TAOK1: variants seen among roughly 807,000 people sequenced by gnomAD.
The protein encoded by TAOK1 is serine/threonine-protein kinase TAO1.
TAOK1 carries 21 observed loss-of-function variants against 138.3 expected under a neutral mutation model. The observed-to-expected ratio is 0.15, with a 90% CI of 0.11 to 0.22. The LOEUF is 0.22. TAOK1 is among the 10% of genes least tolerant of loss of function. TAOK1 has a pLI of 1.00. For missense variants in TAOK1, 651 were observed against 1,227.7 expected, an observed-to-expected ratio of 0.53 and a Z score of 7.02; for synonymous variants, 361 against 398.4, an observed-to-expected ratio of 0.91 and a Z score of 1.12.
chr17:29,490,753 C>A (rs1419083513), intron 9 of TAOK1, among the ~76,000 whole-genome samples: 1 of 152,120 alleles, frequency 6.6e-6, no homozygotes, highest in Non-Finnish European at 1.5e-5. Flanking sequence ...AAATTTATTT[C>A]TCACTTTCTG....
chr17:29,471,898 T>C (rs2030826883), intron 3 of TAOK1, among the ~76,000 whole-genome samples: 1 of 152,238 alleles, frequency 6.6e-6, no homozygotes, highest in Non-Finnish European at 1.5e-5. Context: ...TTATGTAATA[T>C]TCAGAAATTA....
chr17:29,483,555 G>C (rs1461123748), intron 8 of TAOK1, among the ~76,000 whole-genome samples: 1 of 152,172 alleles, frequency 6.6e-6, no homozygotes, highest in African/African-American at 2.4e-5. Context: ...GTAGATTAAA[G>C]TTACGATTTC....
intron 4 of TAOK1, 33 bp from the exon 5 acceptor site, chr17:29,477,628 A>G (rs1415953689): frequency 8.5e-7 from 1 of 1,175,326 alleles, no homozygotes; most frequent in Admixed American, 3.3e-5. Context: ...TTATAATAAT[A>G]TATTTTAATG....
In TAOK1 at chr17:29,451,641, C is replaced by T. The variant is rs139771492; in HGVS notation, c.93C>T (p.Leu31=). The T allele has an allele frequency of 1.9e-5, 30 of 1,613,770 alleles. No individual in the cohort carries two copies. The highest frequency in any genetic ancestry group is 3.3e-5 in the Admixed American group (2 of 59,954). Residue 31 remains leucine, a synonymous_variant, in exon 2 of 20, where the codon CTC becomes CTT. Transcript: ENST00000261716. ...ATCCAGAGAAGCTCTTCACAGATCTCAGAGAAATTGGCCATGGAAGCTTTG... is the reference window on the plus strand; with the variant it reads ...ATCCAGAGAAGCTCTTCACAGATCTTAGAGAAATTGGCCATGGAAGCTTTG... ...KEDPEKLFTD[L]REIGHGSFGA...
intron 16 of TAOK1, among the ~76,000 whole-genome samples, chr17:29,518,364 A>G (rs2958212): frequency 0.42 from 63,184 of 152,094 alleles, 13,794 homozygotes; most frequent in Non-Finnish European, 0.48. Context: ...GTGCACCTGT[A>G]GTGCCAGCTA....
chr17:29,412,920 T>C (rs891408948), intron 1 of TAOK1, among the ~76,000 whole-genome samples: 7 of 152,244 alleles, frequency 4.6e-5, no homozygotes, highest in African/African-American at 1.7e-4. Context: ...AGTAGGTCTT[T>C]GAACTTTCTG....
At chr17:29,402,326 G>A (rs1426873185) in intron 1 of TAOK1, among the ~76,000 whole-genome samples, 2 of 151,950 alleles carry the variant, frequency 1.3e-5, no homozygotes, top group African/African-American at 4.8e-5. Flanking sequence ...TTTTTAAGAC[G>A]GTCTCAGTCC....
chr17:29,452,986 G>A (rs2030275830), intron 2 of TAOK1, among the ~76,000 whole-genome samples: 1 of 152,064 alleles, frequency 6.6e-6, no homozygotes, highest in South Asian at 2.1e-4. Flanking sequence ...TTTTGAGTAT[G>A]TACCTAGGAG....
At chr17:29,407,008 C>T (rs1290966206) in intron 1 of TAOK1, among the ~76,000 whole-genome samples, 1 of 152,142 alleles carries the variant, frequency 6.6e-6, no homozygotes, top group Non-Finnish European at 1.5e-5. Context: ...ATTCCTAGTA[C>T]CTCTTACAGT....
chr17:29,477,712 T>A lies in TAOK1; in HGVS notation c.352+6T>A. The stretch of plus-strand genomic sequence containing the variant: ...TGCTTCGGATTTACTAGAAGGTAAG[T>A]TCCCTTTGATTATTTTTTAAAAAGT... On this transcript the variant is annotated splice_donor_region_variant and intron_variant, in intron 5 of 19. Coordinates refer to ENST00000261716, the MANE Select transcript of TAOK1 (RefSeq NM_020791.4). 7.2e-7 allele frequency: 1 copy of A among 1,397,150 alleles called. No homozygotes were observed. Among genetic ancestry groups the A allele is most frequent in the Non-Finnish European group, 9.4e-7 (1 of 1,059,214 alleles). The allele number at this position is 1,397,150 out of a possible 1,614,324, so 86.5% of individuals were successfully genotyped here. A position where few individuals can be genotyped will look rare whatever the true frequency, so the allele number is the denominator to read the frequency against.
At chr17:29,439,646 T>G (rs1198426147) in intron 1 of TAOK1, among the ~76,000 whole-genome samples, 1 of 151,948 alleles carries the variant, frequency 6.6e-6, no homozygotes, top group African/African-American at 2.4e-5. Context: ...TTTTGAAGAG[T>G]CCAGGCTAGT....
At chr17:29,517,792 C>A in intron 16 of TAOK1, 136 bp downstream of exon 16, 1 of 804,000 alleles carries the variant, frequency 1.2e-6, no homozygotes, top group Non-Finnish European at 1.9e-6. Context: ...CAGATATTCA[C>A]ATGGATTGTT....
At chr17:29,465,128 ATTTTTTTTTTTTTTTTTT>A (rs57794003) in intron 2 of TAOK1, among the ~76,000 whole-genome samples, 8 of 63,100 alleles carry the variant, frequency 1.3e-4, no homozygotes, top group Admixed American at 6.4e-4. Context: ...GTCTTATTTA[ATTTTTTTTTTTTTTTTTT>A]TTTTTTTTTT....
chr17:29,516,086 C>T (rs938551330), intron 15 of TAOK1, among the ~76,000 whole-genome samples: 4 of 151,186 alleles, frequency 2.6e-5, no homozygotes, highest in Admixed American at 6.6e-5. Context: ...CTCAGCCTCC[C>T]GAGTAGCTGG....
chr17:29,393,619 A>C (rs763456927), intron 1 of TAOK1, among the ~76,000 whole-genome samples: 3 of 152,230 alleles, frequency 2.0e-5, no homozygotes, highest in African/African-American at 7.2e-5. Flanking sequence ...GGCAGTGTAC[A>C]TCACTTCCTG....
chr17:29,395,377 A>G (rs1904562715), intron 1 of TAOK1, among the ~76,000 whole-genome samples: 1 of 151,482 alleles, frequency 6.6e-6, no homozygotes, highest in Non-Finnish European at 1.5e-5. Context: ...CAAAAATAAA[A>G]CAAATTAGCT....
chr17:29,394,288 C>A (rs1904523772), intron 1 of TAOK1, among the ~76,000 whole-genome samples: 1 of 150,970 alleles, frequency 6.6e-6, no homozygotes, highest in South Asian at 2.1e-4. Context: ...GCCTCAGCCT[C>A]CTGAGTAGCT....
At chr17:29,496,538 G>A (rs1011639198) in intron 11 of TAOK1, among the ~76,000 whole-genome samples, 7 of 144,840 alleles carry the variant, frequency 4.8e-5, no homozygotes, top group African/African-American at 1.5e-4. Flanking sequence ...GTAGGCATTC[G>A]ACTGTGTCAC....
In TAOK1 at chr17:29,406,269, T is replaced by C. The variant is rs1467682694; in HGVS notation, c.-95+15245T>C. Among the ~76,000 whole-genome samples, 6 of 152,120 alleles carry C rather than the reference T, an allele frequency of 3.9e-5. No individual in the cohort carries two copies. In the East Asian group the frequency reaches 1.2e-3, roughly 29 times the overall value. On this transcript the variant is annotated intron_variant, in intron 1 of 19. Coordinates refer to ENST00000261716, the MANE Select transcript of TAOK1 (RefSeq NM_020791.4). The stretch of plus-strand genomic sequence containing the variant: ...TCCCCTAGGGAGCAAAATCACCTGA[T>C]TGAGAACCATTTATTTAACTGTTAT...
Sources: allele counts gnomAD v4.1 joint callset (sites outside exome capture counted in the v4.1 genomes callset), GRCh38; gene constraint gnomAD v4.1.1; transcripts MANE v1.5; gene names NCBI Gene and HGNC (gene_info 2026-07-23, HGNC 2026-07-21).